Variants in ZBTB7C observed in about 807,000 individuals in gnomAD.
ZBTB7C encodes zinc finger and BTB domain-containing protein 7C.
In ZBTB7C, 8 loss-of-function variants were observed where a neutral mutation model predicts 25.7. The ratio of observed to expected loss-of-function variants is 0.31; its 90% CI spans 0.18 to 0.56. The LOEUF is 0.56. ZBTB7C is among the 20% of genes least tolerant of loss of function. The pLI is 0.91. For synonymous variants in ZBTB7C, 394 were observed against 369.0 expected (o/e 1.07, Z -0.78); for missense variants, 824 against 855.2 (o/e 0.96, Z 0.46).
chr18:48,281,278 T>C (rs918292625), intron 2 of ZBTB7C, among the ~76,000 whole-genome samples: 1 of 152,044 alleles, frequency 6.6e-6, no homozygotes, highest in Non-Finnish European at 1.5e-5. Flanking sequence ...TGAAACTGGA[T>C]CCCTTCCTTA....
chr18:48,171,035 G>A (rs2041459375), intron 3 of ZBTB7C, among the ~76,000 whole-genome samples: 2 of 152,234 alleles, frequency 1.3e-5, no homozygotes, highest in South Asian at 2.1e-4. Context: ...CTACCTGAAA[G>A]TGGGGCATTA....
chr18:48,176,320 T>C (rs2041676188), intron 3 of ZBTB7C, among the ~76,000 whole-genome samples: 1 of 152,082 alleles, frequency 6.6e-6, no homozygotes, highest in Non-Finnish European at 1.5e-5. Flanking sequence ...GTCCATGTCA[T>C]AAAAGACAAA....
At chr18:48,031,695 T>G (rs2035755414) in intron 4 of ZBTB7C, among the ~76,000 whole-genome samples, 1 of 152,214 alleles carries the variant, frequency 6.6e-6, no homozygotes, top group African/African-American at 2.4e-5. Context: ...TTCTAACCAG[T>G]TGCCACATGC....
intron 1 of ZBTB7C, among the ~76,000 whole-genome samples, chr18:48,343,260 T>C (rs973256080): frequency 3.9e-5 from 6 of 152,146 alleles, no homozygotes; most frequent in Non-Finnish European, 8.8e-5. Flanking sequence ...TAGCACCCTC[T>C]AGAAGGTATT....
At position 48,040,879 on chromosome 18, in the gene ZBTB7C, T is replaced by A. The variant is rs2036211451; in HGVS notation, c.229A>T (p.Ile77Phe). 6.2e-7 allele frequency: 1 copy of A among 1,613,918 alleles called. No homozygotes were observed. The highest frequency in any genetic ancestry group is 8.5e-7 in the Non-Finnish European group (1 of 1,180,014). ...AGAGCCTCAGGCTGGACAAAGTCGATCTCATAGACGTAGGGCTGGCTGGCT... is the reference window on the plus strand; with the variant it reads ...AGAGCCTCAGGCTGGACAAAGTCGAACTCATAGACGTAGGGCTGGCTGGCT... ...TLASQPYVYE[I>F]DFVQPEALAA... The change falls in exon 4 of 5, where the codon ATC (isoleucine) becomes TTC (phenylalanine). Residue 77 changes from isoleucine (I) to phenylalanine (F), a missense_variant. By Grantham distance (21) the Ile-to-Phe change is conservative (BLOSUM62 0). Around this residue, in one of 4 missense-constraint regions of ZBTB7C, gnomAD observed 117 missense variants for 167.7 expected, o/e 0.70. Coordinates refer to ENST00000590800, the MANE Select transcript of ZBTB7C (RefSeq NM_001318841.2).
intron 2 of ZBTB7C, among the ~76,000 whole-genome samples, chr18:48,214,922 T>C (rs1378021090): frequency 6.6e-6 from 1 of 152,246 alleles, no homozygotes; most frequent in African/African-American, 2.4e-5. Flanking sequence ...TTTGAGTCTC[T>C]GCTTTCAATT....
At chr18:48,274,346 T>G (rs1301145396) in intron 2 of ZBTB7C, among the ~76,000 whole-genome samples, 1 of 152,200 alleles carries the variant, frequency 6.6e-6, no homozygotes, top group Non-Finnish European at 1.5e-5. Context: ...TTTGTCTTGT[T>G]TTGTTTTTTT....
chr18:48,159,157 T>C (rs1408276502), intron 3 of ZBTB7C, among the ~76,000 whole-genome samples: 7 of 151,998 alleles, frequency 4.6e-5, no homozygotes, highest in African/African-American at 1.2e-4. Flanking sequence ...AGGGTAGGGG[T>C]CATGGCTTAT....
At chr18:48,388,176 C>T (rs967362563) in intron 1 of ZBTB7C, among the ~76,000 whole-genome samples, 28 of 152,118 alleles carry the variant, frequency 1.8e-4, no homozygotes, top group Admixed American at 1.6e-3. Flanking sequence ...ACTGAAATCC[C>T]GGGCACACTT....
At chr18:48,084,294 C>T (rs1001011602) in intron 3 of ZBTB7C, among the ~76,000 whole-genome samples, 8 of 152,216 alleles carry the variant, frequency 5.3e-5, no homozygotes, top group Non-Finnish European at 2.9e-5. Flanking sequence ...GAAATGAGGT[C>T]CTGCCAGATG....
intron 1 of ZBTB7C, among the ~76,000 whole-genome samples, chr18:48,367,369 T>TATATAA (rs1426534724): frequency 9.0e-6 from 1 of 111,276 alleles, no homozygotes; most frequent in African/African-American, 3.0e-5. Flanking sequence ...TATATATATA[T>TATATAA]ATAAAATACA....
At chr18:48,292,435 T>C (rs2045258440) in intron 2 of ZBTB7C, among the ~76,000 whole-genome samples, 1 of 152,266 alleles carries the variant, frequency 6.6e-6, no homozygotes, top group South Asian at 2.1e-4. Context: ...CTATGACTCA[T>C]GGCCTCTCTG....
intron 2 of ZBTB7C, among the ~76,000 whole-genome samples, chr18:48,229,311 A>AT: frequency 6.6e-6 from 1 of 152,192 alleles, no homozygotes; most frequent in Non-Finnish European, 1.5e-5. Flanking sequence ...GTTTCTAATT[A>AT]TTTTATTCCC....
intron 2 of ZBTB7C, among the ~76,000 whole-genome samples, chr18:48,317,952 C>T (rs1311792239): frequency 7.6e-6 from 1 of 130,720 alleles, no homozygotes; most frequent in African/African-American, 2.6e-5. Flanking sequence ...CAGACCTTTC[C>T]CCTCTGCTGG....
intron 1 of ZBTB7C, among the ~76,000 whole-genome samples, chr18:48,406,896 C>T (rs189488542): frequency 1.7e-3 from 252 of 152,312 alleles, no homozygotes; most frequent in African/African-American, 5.6e-3. Context: ...AAAAAGTTCA[C>T]ATAACAATCA....
chr18:48,308,688 C>A (rs779426120), intron 2 of ZBTB7C, among the ~76,000 whole-genome samples: 2 of 152,250 alleles, frequency 1.3e-5, no homozygotes, highest in Admixed American at 6.5e-5. Flanking sequence ...GTGTCACAGA[C>A]TGGTAACAAA....
intron 3 of ZBTB7C, among the ~76,000 whole-genome samples, chr18:48,065,796 C>T (rs1458022766): frequency 6.6e-6 from 1 of 152,186 alleles, no homozygotes; most frequent in Non-Finnish European, 1.5e-5. Flanking sequence ...CTGTACCATA[C>T]AGTTTCCCTC....
intron 3 of ZBTB7C, 104 bp from the exon 4 acceptor site, chr18:48,041,227 T>C (rs886802121): frequency 6.9e-7 from 1 of 1,445,598 alleles, no homozygotes; most frequent in African/African-American, 1.4e-5. Flanking sequence ...GGGCTCCCTG[T>C]CCACTGCAAG....
intron 1 of ZBTB7C, among the ~76,000 whole-genome samples, chr18:48,377,346 G>A (rs1306270869): frequency 1.3e-5 from 2 of 152,204 alleles, no homozygotes; most frequent in Non-Finnish European, 2.9e-5. Flanking sequence ...AAAAAATGCA[G>A]TGAGGGAAAT....
Sources: gnomAD v4.1 joint callset for allele counts (sites outside exome capture counted in the v4.1 genomes callset) on GRCh38, gnomAD v4.1.1 for gene constraint, gnomAD v4.1.1 regional missense constraint, MANE v1.5 for transcripts, NCBI Gene and HGNC (gene_info 2026-07-23, HGNC 2026-07-21) for gene names.